Variants in CHODL observed in about 807,000 individuals in gnomAD.
CHODL encodes the protein transmembrane protein MT75.
In CHODL, 29 loss-of-function variants were observed where a neutral mutation model predicts 34.5. The ratio of observed to expected loss-of-function variants is 0.84; its 90% confidence interval spans 0.63 to 1.15. The LOEUF (loss-of-function observed/expected upper bound fraction) is 1.15, where lower values mean the gene tolerates loss of function less well. Ranked by LOEUF, CHODL falls within the 50% of genes most tolerant of loss-of-function variation. The pLI is 0.00. For missense variants in CHODL, 332 were observed against 332.5 expected (o/e 1.00, Z 0.01); for synonymous variants, 125 against 116.1 (o/e 1.08, Z -0.49).
intron 2 of CHODL, among the ~76,000 whole-genome samples, chr21:18,231,797 A>T (rs532432845): frequency 6.8e-4 from 102 of 150,524 alleles, no homozygotes; most frequent in African/African-American, 2.4e-3. Context: ...GACTAGTCCT[A>T]CTGTGCTTTG....
At chr21:18,067,599 G>A (rs1039900442) in intron 2 of CHODL, among the ~76,000 whole-genome samples, 39 of 152,154 alleles carry the variant, frequency 2.6e-4, no homozygotes, top group African/African-American at 9.4e-4. Context: ...ACTTCTAGTC[G>A]TTAGACTATG....
intron 2 of CHODL, among the ~76,000 whole-genome samples, chr21:18,084,927 G>GTGTGTGTGTA (rs201824627): frequency 0.053 from 7,223 of 137,338 alleles, 591 homozygotes; most frequent in African/African-American, 0.21. Flanking sequence ...AATAGTGTGT[G>GTGTGTGTGTA]TGTGTGTGTG....
At chr21:17,956,233 A>G (rs2063492947) in intron 1 of CHODL, among the ~76,000 whole-genome samples, 1 of 132,044 alleles carries the variant, frequency 7.6e-6, no homozygotes, top group African/African-American at 2.6e-5. Flanking sequence ...CTTGCACTGA[A>G]TTCACATGAG....
At chr21:18,062,692 G>C (rs1396131367) in intron 2 of CHODL, among the ~76,000 whole-genome samples, 1 of 152,130 alleles carries the variant, frequency 6.6e-6, no homozygotes, top group Non-Finnish European at 1.5e-5. Context: ...CTTGAACCCA[G>C]GAGACGGAGG....
At chr21:18,025,975 GGGGATT>G (rs1484021903) in intron 1 of CHODL, among the ~76,000 whole-genome samples, 9 of 152,226 alleles carry the variant, frequency 5.9e-5, no homozygotes, top group African/African-American at 2.2e-4. Context: ...CTGACATACT[GGGGATT>G]GGGACTTCAA....
At chr21:18,181,636 T>C (rs4816767) in intron 2 of CHODL, among the ~76,000 whole-genome samples, 59,419 of 152,084 alleles carry the variant, frequency 0.39, 15,122 homozygotes, top group East Asian at 0.81. Context: ...GTGATCCGAC[T>C]GCCTTGGCTT....
chr21:17,927,160 G>GTATATATATGTATATATGTATATATGTA (rs61103356), intron 1 of CHODL, among the ~76,000 whole-genome samples: 15 of 67,946 alleles, frequency 2.2e-4, no homozygotes, highest in African/African-American at 5.6e-4. Flanking sequence ...GTATATATAT[G>GTATATATATGTATATATGTATATATGTA]TATATATGTA....
At chr21:18,169,711 C>A (rs546001779) in intron 2 of CHODL, among the ~76,000 whole-genome samples, 228 of 151,772 alleles carry the variant, frequency 1.5e-3, no homozygotes, top group Non-Finnish European at 2.8e-3. Flanking sequence ...TTTAGGTTTT[C>A]TTTTAAAATA....
chr21:18,105,397 G>A (rs2065261414), intron 2 of CHODL, among the ~76,000 whole-genome samples: 1 of 152,148 alleles, frequency 6.6e-6, no homozygotes, highest in African/African-American at 2.4e-5. Context: ...CCTTTTCAAA[G>A]CCAGGTCCTT....
chr21:18,060,213 G>A (rs1342664482), intron 2 of CHODL, among the ~76,000 whole-genome samples: 2 of 152,154 alleles, frequency 1.3e-5, no homozygotes, highest in Admixed American at 1.3e-4. Context: ...CCAGAACTTT[G>A]GGAGACCAAA....
At chr21:18,145,371 A>T (rs928653476) in intron 2 of CHODL, among the ~76,000 whole-genome samples, 5 of 136,482 alleles carry the variant, frequency 3.7e-5, no homozygotes, top group Non-Finnish European at 7.6e-5. Flanking sequence ...CGGGAGGCGG[A>T]GCTGGCAGTG....
At chr21:18,263,670 G>A (rs2074409428) in intron 5 of CHODL, among the ~76,000 whole-genome samples, 1 of 152,130 alleles carries the variant, frequency 6.6e-6, no homozygotes, top group Admixed American at 6.5e-5. Flanking sequence ...ATAAGAGCAT[G>A]TTTGCTAGAA....
intron 1 of CHODL, chr21:18,246,015 T>A (rs1367811324): frequency 2.3e-6 from 3 of 1,302,798 alleles, no homozygotes; most frequent in East Asian, 5.0e-5. Context: ...GGGAAATCGA[T>A]CAAAATTGGC....
intron 2 of CHODL, among the ~76,000 whole-genome samples, chr21:18,195,867 G>A (rs1310240712): frequency 6.6e-6 from 1 of 152,046 alleles, no homozygotes; most frequent in African/African-American, 2.4e-5. Context: ...TTTTTTTATG[G>A]CCACACTAAT....
intron 2 of CHODL, among the ~76,000 whole-genome samples, chr21:18,174,143 A>ATATATATATATCTTGG (rs2073272376): frequency 1.7e-5 from 2 of 120,846 alleles, no homozygotes; most frequent in African/African-American, 5.8e-5. Flanking sequence ...ATATATATAT[A>ATATATATATATCTTGG]TATATATATA....
At chr21:18,086,198 T>C (rs1173548545) in intron 2 of CHODL, among the ~76,000 whole-genome samples, 6 of 151,980 alleles carry the variant, frequency 3.9e-5, no homozygotes, top group Non-Finnish European at 8.8e-5. Context: ...CCAGAATTTC[T>C]GCTTTTGTTT....
chr21:18,044,380 TTAAA>T (rs548132834), intron 2 of CHODL, among the ~76,000 whole-genome samples: 251 of 152,102 alleles, frequency 1.7e-3, no homozygotes, highest in African/African-American at 5.7e-3. Context: ...TAGGAAGAGA[TTAAA>T]TAGTGAATAA....
chr21:17,994,252 T>C (rs764337053), intron 1 of CHODL, among the ~76,000 whole-genome samples: 1 of 152,232 alleles, frequency 6.6e-6, no homozygotes, highest in Non-Finnish European at 1.5e-5. Context: ...GAACCAGTCC[T>C]CAGGCCTGCA....
intron 2 of CHODL, among the ~76,000 whole-genome samples, chr21:18,233,877 A>G (rs1012942896): frequency 6.6e-6 from 1 of 152,196 alleles, no homozygotes; most frequent in Admixed American, 6.5e-5. Flanking sequence ...CCAATAAAAT[A>G]CTGTCTATAT....
Sources: gnomAD v4.1 joint callset for allele counts (sites outside exome capture counted in the v4.1 genomes callset) on GRCh38, gnomAD v4.1.1 for gene constraint, MANE v1.5 for transcripts, NCBI Gene and HGNC (gene_info 2026-07-23, HGNC 2026-07-21) for gene names.